LY86: variants seen among roughly 807,000 people sequenced by gnomAD.
The protein encoded by LY86 is MD-1, RP105-associated.
In LY86, 20 loss-of-function variants were observed where a neutral mutation model predicts 17.3. The ratio of observed to expected loss-of-function variants is 1.15; its 90% CI spans 0.81 to 1.68. LY86 has a LOEUF of 1.68. Ranked by LOEUF, LY86 falls within the 40% of genes most tolerant of loss-of-function variation. The probability of loss-of-function intolerance (pLI) is 0.00; values close to 1 mark genes in which losing one functional copy is unlikely to be tolerated. For missense variants in LY86, 200 were observed against 191.9 expected (o/e 1.04, Z -0.25); for synonymous variants, 74 against 70.6 (o/e 1.05, Z -0.24).
At chr6:6,630,182 G>T (rs1430090702) in intron 3 of LY86, among the ~76,000 whole-genome samples, 1 of 152,222 alleles carries the variant, frequency 6.6e-6, no homozygotes, top group Non-Finnish European at 1.5e-5. Context: ...TTACAGGAAA[G>T]AATAGAGAGA....
At chr6:6,649,570 A>T in intron 3 of LY86, 55 bp from the exon 4 acceptor site, 1 of 1,101,526 alleles carries the variant, frequency 9.1e-7, no homozygotes, top group Non-Finnish European at 1.4e-6. Context: ...CATGTGAATG[A>T]ATCATTTTTT....
At chr6:6,648,584 T>C (rs10458191) in intron 3 of LY86, among the ~76,000 whole-genome samples, 34,954 of 152,138 alleles carry the variant, frequency 0.23, 4,231 homozygotes, top group Middle Eastern at 0.35. Context: ...GCTACCTCCT[T>C]ACAGACGCCT....
At chr6:6,624,426 T>TGGGATGGGGTGGGATGGGATGGG (rs1289494640) in intron 1 of LY86, among the ~76,000 whole-genome samples, 1 of 151,638 alleles carries the variant, frequency 6.6e-6, no homozygotes, top group African/African-American at 2.4e-5. Flanking sequence ...TGGGATGGGA[T>TGGGATGGGGTGGGATGGGATGGG]AAAATGGAAT....
intron 3 of LY86, among the ~76,000 whole-genome samples, chr6:6,634,909 A>G (rs1761941453): frequency 6.6e-6 from 1 of 152,228 alleles, no homozygotes; most frequent in African/African-American, 2.4e-5. Context: ...TGCTTTCTGC[A>G]AAATGCCTTA....
At chr6:6,629,640 C>T (rs552895910) in intron 3 of LY86, among the ~76,000 whole-genome samples, 5 of 152,242 alleles carry the variant, frequency 3.3e-5, no homozygotes, top group African/African-American at 9.6e-5. Flanking sequence ...AACTGCATCT[C>T]GCTGGCTTTT....
At chr6:6,639,303 C>T (rs80083397) in intron 3 of LY86, among the ~76,000 whole-genome samples, 10,373 of 151,738 alleles carry the variant, frequency 0.068, 498 homozygotes, top group African/African-American at 0.13. Flanking sequence ...TCTGAAGGGC[C>T]CTTTGTGGTG....
intron 1 of LY86, among the ~76,000 whole-genome samples, chr6:6,623,858 C>T (rs773340639): frequency 3.9e-5 from 6 of 152,132 alleles, no homozygotes; most frequent in Non-Finnish European, 7.3e-5. Context: ...AAACAAGAAA[C>T]CAGCTCTGGC....
intron 1 of LY86, among the ~76,000 whole-genome samples, chr6:6,615,338 G>A (rs1443446719): frequency 6.6e-6 from 1 of 152,188 alleles, no homozygotes; most frequent in Non-Finnish European, 1.5e-5. Flanking sequence ...CAACCATGAG[G>A]TTATGTTCCA....
At chr6:6,629,161 G>A (rs1467867412) in intron 3 of LY86, among the ~76,000 whole-genome samples, 2 of 152,182 alleles carry the variant, frequency 1.3e-5, no homozygotes, top group African/African-American at 2.4e-5. Context: ...GCATAGGCAA[G>A]CTGAGAAGCT....
chr6:6,632,617 A>G (rs1761912208), intron 3 of LY86, among the ~76,000 whole-genome samples: 1 of 152,182 alleles, frequency 6.6e-6, no homozygotes, highest in Admixed American at 6.5e-5. Flanking sequence ...AGTCCATAAC[A>G]TCTCACACTG....
intron 1 of LY86, among the ~76,000 whole-genome samples, chr6:6,590,995 G>A (rs1411171821): frequency 6.6e-6 from 1 of 152,206 alleles, no homozygotes; most frequent in Admixed American, 6.5e-5. Context: ...TGCTGATCTT[G>A]TCACTCTAGG....
intron 1 of LY86, among the ~76,000 whole-genome samples, chr6:6,597,616 G>A (rs1760755755): frequency 1.3e-5 from 2 of 152,174 alleles, no homozygotes; most frequent in South Asian, 4.2e-4. Flanking sequence ...GATCTATCGG[G>A]AAACCAATAT....
intron 1 of LY86, among the ~76,000 whole-genome samples, chr6:6,604,901 G>A (rs1201788436): frequency 6.6e-6 from 1 of 151,376 alleles, no homozygotes; most frequent in African/African-American, 2.4e-5. Context: ...ACTGACAGCT[G>A]GCTCCAGCAA....
At chr6:6,588,971 G>C in intron 1 of LY86, 101 bp downstream of exon 1, 2 of 1,424,312 alleles carry the variant, frequency 1.4e-6, no homozygotes, top group East Asian at 2.4e-5. Context: ...AGGGGAGAGG[G>C]GACCAGCAGC....
At chr6:6,613,535 CTCCGAGTGCGGGGCCCGCCGA>C (rs1257125331) in intron 1 of LY86, among the ~76,000 whole-genome samples, 1 of 152,172 alleles carries the variant, frequency 6.6e-6, no homozygotes, top group Non-Finnish European at 1.5e-5. Flanking sequence ...AGGCCGGCCG[CTCCGAGTGCGGGGCCCGCCGA>C]TCCCACGCCC....
chr6:6,612,397 T>G (rs6941042), intron 1 of LY86, among the ~76,000 whole-genome samples: 3 of 152,168 alleles, frequency 2.0e-5, no homozygotes, highest in Non-Finnish European at 1.5e-5. Context: ...TTTCCCCCAG[T>G]GGGTACCTAG....
intron 1 of LY86, among the ~76,000 whole-genome samples, chr6:6,597,969 T>A (rs1262255066): frequency 1.3e-5 from 2 of 152,236 alleles, no homozygotes; most frequent in Admixed American, 1.3e-4. Context: ...AACAGAATTA[T>A]CAGGATTCCT....
chr6:6,654,438 T>C, intron 4 of LY86, 106 bp from the exon 5 acceptor site: 1 of 808,194 alleles, frequency 1.2e-6, no homozygotes, highest in Non-Finnish European at 2.1e-6. Flanking sequence ...TTATCCACAA[T>C]GTCCAGAACA....
chr6:6,605,746 G>A (rs543144869), intron 1 of LY86, among the ~76,000 whole-genome samples: 47 of 152,324 alleles, frequency 3.1e-4, no homozygotes, highest in African/African-American at 9.9e-4. Flanking sequence ...AAAAGGCAGT[G>A]TGTCCAGAAC....
Sources: allele counts gnomAD v4.1 joint callset (sites outside exome capture counted in the v4.1 genomes callset), GRCh38; gene constraint gnomAD v4.1.1; transcripts MANE v1.5; gene names NCBI Gene and HGNC (gene_info 2026-07-23, HGNC 2026-07-21).